The following CDH8 variants were observed in gnomAD, a reference collection of about 807,000 sequenced individuals.
CDH8 encodes cadherin-8.
CDH8 carries 17 observed loss-of-function variants against 68.1 expected under a neutral mutation model. The observed-to-expected ratio is 0.25, with a 90% CI of 0.17 to 0.37. The LOEUF is 0.37. Among genes scored for constraint, CDH8 ranks in the 10% least tolerant of loss-of-function variants. CDH8 has a pLI of 1.00. For missense variants in CDH8, 763 were observed against 999.3 expected (o/e 0.76, Z 3.19); for synonymous variants, 372 against 365.1 (o/e 1.02, Z -0.21).
At chr16:61,701,456 AC>A (rs1465667934) in intron 10 of CDH8, among the ~76,000 whole-genome samples, 2 of 152,218 alleles carry the variant, frequency 1.3e-5, no homozygotes, top group Non-Finnish European at 2.9e-5. Flanking sequence ...CATTTGAGAT[AC>A]TTTTTATTTT....
intron 1 of CDH8, among the ~76,000 whole-genome samples, chr16:62,026,260 C>T (rs1902195701): frequency 6.6e-6 from 1 of 152,204 alleles, no homozygotes; most frequent in African/African-American, 2.4e-5. Context: ...TAGTGGGGTG[C>T]TTCTCAAATA....
At chr16:61,933,792 T>A (rs961386772) in intron 2 of CDH8, among the ~76,000 whole-genome samples, 2 of 152,152 alleles carry the variant, frequency 1.3e-5, no homozygotes, top group Non-Finnish European at 2.9e-5. Flanking sequence ...CTCCTACTAA[T>A]TTAAGGTCTC....
chr16:61,905,995 A>G (rs1964054268), intron 2 of CDH8, among the ~76,000 whole-genome samples: 1 of 152,152 alleles, frequency 6.6e-6, no homozygotes. Context: ...CAGAGATGAG[A>G]GAGAGCATAG....
chr16:61,821,183 C>A, intron 5 of CDH8, 70 bp from the exon 6 acceptor site: 1 of 1,245,576 alleles, frequency 8.0e-7, no homozygotes, highest in South Asian at 1.5e-5. Context: ...TGGCAAATAT[C>A]TTTTGGGCAC....
At chr16:61,819,366 A>G (rs1962158339) in intron 6 of CDH8, among the ~76,000 whole-genome samples, 2 of 152,098 alleles carry the variant, frequency 1.3e-5, no homozygotes, top group African/African-American at 2.4e-5. Flanking sequence ...GTTTCAGTTT[A>G]TAACAGCACT....
chr16:61,726,794 G>A (rs773005879), intron 9 of CDH8: 120 of 391,870 alleles, frequency 3.1e-4, no homozygotes, highest in Admixed American at 4.9e-4. Context: ...TTCAGCCCCC[G>A]TCACTCTAAG....
chr16:61,789,568 C>T (rs889131360), intron 7 of CDH8, 86 bp from the exon 8 acceptor site: 8 of 1,248,318 alleles, frequency 6.4e-6, no homozygotes, highest in Non-Finnish European at 5.4e-6. Flanking sequence ...CCTTGGAGAG[C>T]CATATTTGTG....
At chr16:61,948,286 T>C (rs958985072) in intron 2 of CDH8, among the ~76,000 whole-genome samples, 9 of 152,170 alleles carry the variant, frequency 5.9e-5, no homozygotes, top group Non-Finnish European at 1.3e-4. Context: ...GATCTAATCA[T>C]TGTCGGGTAT....
At chr16:61,940,919 C>G (rs901348038) in intron 2 of CDH8, among the ~76,000 whole-genome samples, 6 of 152,176 alleles carry the variant, frequency 3.9e-5, no homozygotes, top group African/African-American at 1.4e-4. Flanking sequence ...ACAAGAGAAA[C>G]ACTTGCGTAA....
At chr16:61,886,556 G>A (rs1007675791) in intron 3 of CDH8, among the ~76,000 whole-genome samples, 5 of 152,082 alleles carry the variant, frequency 3.3e-5, no homozygotes, top group Admixed American at 6.6e-5. Flanking sequence ...AAGTATCATC[G>A]AAGCCAGAGA....
At chr16:61,768,629 T>C (rs919734239) in intron 8 of CDH8, among the ~76,000 whole-genome samples, 1 of 151,552 alleles carries the variant, frequency 6.6e-6, no homozygotes, top group Non-Finnish European at 1.5e-5. Flanking sequence ...CCAATGTATT[T>C]CCTTTGGGGT....
At chr16:61,742,404 G>A (rs1959899996) in intron 8 of CDH8, among the ~76,000 whole-genome samples, 1 of 151,996 alleles carries the variant, frequency 6.6e-6, no homozygotes, top group African/African-American at 2.4e-5. Flanking sequence ...AGCAATGGTA[G>A]ACAACTTCAT....
At chr16:61,677,773 C>G (rs765186603) in intron 10 of CDH8, among the ~76,000 whole-genome samples, 6 of 152,100 alleles carry the variant, frequency 3.9e-5, no homozygotes, top group African/African-American at 7.2e-5. Context: ...AGCCCCCTAA[C>G]CACCTGAATA....
chr16:61,982,002 A>C (rs1965540408), intron 2 of CDH8, among the ~76,000 whole-genome samples: 1 of 151,888 alleles, frequency 6.6e-6, no homozygotes, highest in African/African-American at 2.4e-5. Context: ...TCATTATTCT[A>C]TTTTTATTTG....
intron 2 of CDH8, among the ~76,000 whole-genome samples, chr16:61,931,929 T>C (rs1964546296): frequency 1.3e-5 from 2 of 152,100 alleles, no homozygotes; most frequent in Non-Finnish European, 2.9e-5. Context: ...AAGCACAGGC[T>C]GGGCGCTATG....
intron 7 of CDH8, among the ~76,000 whole-genome samples, chr16:61,801,513 G>C (rs1012622918): frequency 1.3e-5 from 2 of 152,182 alleles, no homozygotes; most frequent in Non-Finnish European, 2.9e-5. Context: ...CAGCGTGAGC[G>C]ACGCAGAAGA....
intron 2 of CDH8, among the ~76,000 whole-genome samples, chr16:61,972,921 T>C (rs928504417): frequency 6.6e-6 from 1 of 152,180 alleles, no homozygotes; most frequent in Admixed American, 6.5e-5. Flanking sequence ...GTTAAGGTTT[T>C]TATAAGCTTT....
intron 5 of CDH8, among the ~76,000 whole-genome samples, chr16:61,823,124 T>C (rs911626651): frequency 1.3e-5 from 2 of 151,958 alleles, no homozygotes; most frequent in African/African-American, 4.8e-5. Flanking sequence ...AAAGGTTGCA[T>C]TGTTGTCTGA....
At chr16:61,680,678 T>C (rs1963996693) in intron 10 of CDH8, among the ~76,000 whole-genome samples, 1 of 151,818 alleles carries the variant, frequency 6.6e-6, no homozygotes, top group Non-Finnish European at 1.5e-5. Context: ...ATGACATATG[T>C]AATTTTAAAA....
Sources: allele counts gnomAD v4.1 joint callset (sites outside exome capture counted in the v4.1 genomes callset), GRCh38; gene constraint gnomAD v4.1.1; transcripts MANE v1.5; gene names NCBI Gene and HGNC (gene_info 2026-07-23, HGNC 2026-07-21).